SMIM36: variants seen among roughly 807,000 people sequenced by gnomAD.
SMIM36 encodes small integral membrane protein 36.
At chr17:55,455,326 C>A (rs545352954) in intron 4 of SMIM36, among the ~76,000 whole-genome samples, 1 of 152,192 alleles carries the variant, frequency 6.6e-6, no homozygotes, top group Admixed American at 6.5e-5. Context: ...TCTCTCTGGC[C>A]TCATTTCATC....
chr17:55,466,849 T>G (rs969602971), intron 4 of SMIM36, among the ~76,000 whole-genome samples: 6 of 152,252 alleles, frequency 3.9e-5, no homozygotes, highest in Admixed American at 2.0e-4. Context: ...CAAGTTCTTT[T>G]GCGTAAGTCC....
chr17:55,472,244 G>A lies in SMIM36; in HGVS notation c.*348-4916C>T, dbSNP rs150572553. Among the ~76,000 whole-genome samples, 1,475 of 152,288 alleles carry A rather than the reference G, an allele frequency of 9.7e-3. 14 individuals carry two copies. The highest frequency in any genetic ancestry group is 0.017 in the Middle Eastern group (5 of 292). ...AATCAATTTTCACCAGCTAAAGCTG[G>A]ATATGCTGTCATGTCCCACACCTCC... On this transcript the variant is annotated intron_variant, in intron 3 of 4. Coordinates refer to ENST00000636752, the Ensembl canonical transcript of SMIM36.
chr17:55,496,442 G>T (rs1909808861), intron 1 of SMIM36, among the ~76,000 whole-genome samples: 1 of 152,172 alleles, frequency 6.6e-6, no homozygotes, highest in South Asian at 2.1e-4. Flanking sequence ...ATCTTGGGAG[G>T]ATGTGAAATA....
chr17:55,471,739 A>G (rs1469122135), intron 3 of SMIM36, among the ~76,000 whole-genome samples: 5 of 152,036 alleles, frequency 3.3e-5, no homozygotes, highest in African/African-American at 4.8e-5. Flanking sequence ...CTTTTTCCTT[A>G]CCACAGCTGA....
Position 55,484,021 on chromosome 17 carries a change from C to T in SMIM36, c.*175-4441G>A, listed in dbSNP as rs566913423. On this transcript the variant is annotated intron_variant, in intron 1 of 4. Coordinates refer to ENST00000636752, the Ensembl canonical transcript of SMIM36. ...GCTTTGTTTCTCCAGGGAACCCTGA[C>T]TAATATAGACTGCTCCTAATTTATG... Among the ~76,000 whole-genome samples the T allele has an allele frequency of 2.1e-4, 32 of 152,246 alleles. No individual in the cohort carries two copies. The East Asian group carries it at 4.8e-3, about 23-fold the overall frequency.
At chr17:55,467,639 G>A (rs992237984) in intron 3 of SMIM36, among the ~76,000 whole-genome samples, 4 of 152,050 alleles carry the variant, frequency 2.6e-5, no homozygotes, top group South Asian at 2.1e-4. Flanking sequence ...CTCGTGATCC[G>A]CCTGCCACGG....
At chr17:55,461,194 C>G (rs79067620) in intron 4 of SMIM36, among the ~76,000 whole-genome samples, 2,582 of 152,240 alleles carry the variant, frequency 0.017, 27 homozygotes, top group Non-Finnish European at 0.027. Flanking sequence ...TGAGTGCGTT[C>G]AATTTTCCAA....
chr17:55,472,886 A>G (rs1909365064), intron 3 of SMIM36, among the ~76,000 whole-genome samples: 2 of 150,610 alleles, frequency 1.3e-5, no homozygotes, highest in African/African-American at 4.9e-5. Flanking sequence ...AAAAAAGAAA[A>G]GAAAAGAAAA....
At chr17:55,515,919 C>T (rs1462686368), upstream of SMIM36, among the ~76,000 whole-genome samples, 4 of 152,218 alleles carry the variant, frequency 2.6e-5, no homozygotes, top group Non-Finnish European at 5.9e-5. Flanking sequence ...AGGAGGTATA[C>T]CAAGCTCTTT....
chr17:55,452,421 G>A (rs1303262455), intron 4 of SMIM36, among the ~76,000 whole-genome samples: 1 of 152,206 alleles, frequency 6.6e-6, no homozygotes, highest in East Asian at 1.9e-4. Context: ...GGTAGTGATA[G>A]TGATAGGGGA....
intron 4 of SMIM36, among the ~76,000 whole-genome samples, chr17:55,452,553 G>A (rs1352445712): frequency 6.6e-6 from 1 of 152,186 alleles, no homozygotes; most frequent in Non-Finnish European, 1.5e-5. Flanking sequence ...TTGACCGTGA[G>A]TCTGGACAAA....
At chr17:55,453,149 C>A (rs1347717655) in intron 4 of SMIM36, among the ~76,000 whole-genome samples, 1 of 152,118 alleles carries the variant, frequency 6.6e-6, no homozygotes, top group African/African-American at 2.4e-5. Flanking sequence ...ATCCCCAACA[C>A]ACAACAAAAT....
At chr17:55,479,416 C>T (rs1909482382) in intron 2 of SMIM36, 44 bp downstream of exon 2, 1 of 152,056 alleles carries the variant, frequency 6.6e-6, no homozygotes, top group Non-Finnish European at 1.5e-5. Context: ...GAAACCCTGT[C>T]TCTACTAAAA....
intron 1 of SMIM36, among the ~76,000 whole-genome samples, chr17:55,501,249 T>A (rs183003719): frequency 0.016 from 943 of 60,508 alleles, 101 homozygotes; most frequent in African/African-American, 0.018. Context: ...AATATAGTAT[T>A]ATATTTTATA....
At chr17:55,488,536 A>C (rs953333616) in intron 1 of SMIM36, among the ~76,000 whole-genome samples, 1 of 152,206 alleles carries the variant, frequency 6.6e-6, no homozygotes, top group Admixed American at 6.5e-5. Flanking sequence ...CATATTGTAC[A>C]TGCTGTTCAG....
chr17:55,469,159 A>G (rs1909296969), intron 3 of SMIM36, among the ~76,000 whole-genome samples: 1 of 151,810 alleles, frequency 6.6e-6, no homozygotes, highest in Admixed American at 6.6e-5. Context: ...ACCAGGCCCA[A>G]TTCTTCCTCA....
intron 4 of SMIM36, among the ~76,000 whole-genome samples, chr17:55,458,692 C>T (rs1335791399): frequency 6.6e-6 from 1 of 151,970 alleles, no homozygotes. Context: ...CATGCCTCCT[C>T]TGCGGCCGAA....
chr17:55,479,791 T>G (rs1274437299), intron 1 of SMIM36, among the ~76,000 whole-genome samples: 1 of 152,178 alleles, frequency 6.6e-6, no homozygotes, highest in Admixed American at 6.5e-5. Flanking sequence ...TTAGAGCCGT[T>G]GTGAGTATTG....
chr17:55,519,145 A>T, the SMIM36 span, among the ~76,000 whole-genome samples: 396 of 152,298 alleles, frequency 2.6e-3, 2 homozygotes, highest in African/African-American at 9.0e-3. Context: ...GTAGGGTAGG[A>T]GTGCTGGGCA....
Sources: allele counts gnomAD v4.1 joint callset (sites outside exome capture counted in the v4.1 genomes callset), GRCh38; gene constraint gnomAD v4.1.1; transcripts MANE v1.5; gene names NCBI Gene and HGNC (gene_info 2026-07-23, HGNC 2026-07-21).